The following GPC5 variants were observed in gnomAD, a reference collection of about 807,000 sequenced individuals.
GPC5 encodes the protein glypican 5.
GPC5 carries 47 observed loss-of-function variants against 53.9 expected under a neutral mutation model. That is an observed-to-expected ratio of 0.87 (90% CI 0.69 to 1.11). The LOEUF (loss-of-function observed/expected upper bound fraction) is 1.11. GPC5 is among the 50% of genes most tolerant of loss of function. The pLI is 0.00. For synonymous variants in GPC5, 286 were observed against 263.3 expected (o/e 1.09, Z -0.84); for missense variants, 748 against 713.1 (o/e 1.05, Z -0.56).
chr13:91,506,789 T>C (rs1333723513), intron 2 of GPC5, among the ~76,000 whole-genome samples: 1 of 152,198 alleles, frequency 6.6e-6, no homozygotes, highest in Non-Finnish European at 1.5e-5. Context: ...TGGATGACTT[T>C]GATTTATAAT....
chr13:91,617,214 A>G (rs2033720377), intron 2 of GPC5, among the ~76,000 whole-genome samples: 1 of 152,186 alleles, frequency 6.6e-6, no homozygotes, highest in Admixed American at 6.5e-5. Flanking sequence ...GCGTAAACAT[A>G]TATGTTGAAA....
intron 7 of GPC5, among the ~76,000 whole-genome samples, chr13:92,547,560 C>A (rs1882161951): frequency 6.6e-6 from 1 of 152,100 alleles, no homozygotes; most frequent in Admixed American, 6.5e-5. Flanking sequence ...TCTTCTTATA[C>A]ATTGTGTACC....
chr13:92,759,533 C>CA (rs1375941073), intron 7 of GPC5, among the ~76,000 whole-genome samples: 1 of 151,960 alleles, frequency 6.6e-6, no homozygotes, highest in East Asian at 1.9e-4. Flanking sequence ...TTTGTCTATA[C>CA]AAATGCCATA....
Position 92,408,653 on chromosome 13 carries a change from C to CACACACAT in GPC5, c.1561+263665_1561+263666insCACACATA, listed in dbSNP as rs1555333402. Among the ~76,000 whole-genome samples, 823 of 147,110 alleles carry CACACACAT rather than the reference C, an allele frequency of 5.6e-3. 7 individuals are homozygous for CACACACAT. The highest frequency in any genetic ancestry group is 0.019 in the African/African-American group (755 of 40,150). On this transcript the variant is annotated intron_variant, in intron 7 of 7. Coordinates refer to ENST00000377067, the MANE Select transcript of GPC5 (RefSeq NM_004466.6). Reference sequence around the variant, plus strand: ...AGACACACACACACACACACACACACATATAATACATATATGTATATGTAT... The same window carrying CACACACAT: ...AGACACACACACACACACACACACACACACACATATATAATACATATATGTATATGTAT...
intron 7 of GPC5, among the ~76,000 whole-genome samples, chr13:92,418,242 G>T (rs1484818761): frequency 6.6e-6 from 1 of 152,136 alleles, no homozygotes; most frequent in Non-Finnish European, 1.5e-5. Flanking sequence ...GATGGTGGTG[G>T]TGCTTGCACA....
Position 92,229,886 on chromosome 13 carries a change from T to C in GPC5, c.1561+84897T>C, listed in dbSNP as rs1015062166. 9.2e-5 allele frequency among the ~76,000 whole-genome samples: 14 copies of C among 152,072 alleles called. 1 individual carries two copies. Among genetic ancestry groups the C allele is most frequent in the Admixed American group, 7.9e-4 (12 of 15,254 alleles). ...GTGCCACTTGACACTTTTTAAAAAA[T>C]AGTCTCTCTTACTCTTTTTCCCCTA... On this transcript the variant is annotated intron_variant, in intron 7 of 7. Coordinates refer to ENST00000377067, the MANE Select transcript of GPC5 (RefSeq NM_004466.6).
intron 2 of GPC5, among the ~76,000 whole-genome samples, chr13:91,550,047 A>G (rs2030533768): frequency 6.6e-6 from 1 of 152,172 alleles, no homozygotes; most frequent in Non-Finnish European, 1.5e-5. Flanking sequence ...TAGATAATGG[A>G]ATATTATTCA....
At chr13:92,333,329 C>G (rs565049498) in intron 7 of GPC5, among the ~76,000 whole-genome samples, 1 of 152,130 alleles carries the variant, frequency 6.6e-6, no homozygotes, top group Non-Finnish European at 1.5e-5. Flanking sequence ...AAGGTTTGCA[C>G]TCAGAAGAAA....
chr13:91,823,854 A>G (rs767362131), intron 5 of GPC5, among the ~76,000 whole-genome samples: 4 of 152,194 alleles, frequency 2.6e-5, no homozygotes, highest in South Asian at 2.1e-4. Context: ...CAATATGTCT[A>G]TAACTAATGT....
chr13:92,739,745 C>G (rs775974551), intron 7 of GPC5, among the ~76,000 whole-genome samples: 15 of 150,234 alleles, frequency 1.0e-4, no homozygotes, highest in East Asian at 2.0e-4. Flanking sequence ...GAGAGAGAGA[C>G]AATGAGAGAG....
intron 6 of GPC5, among the ~76,000 whole-genome samples, chr13:91,981,501 G>T (rs1226115315): frequency 6.6e-6 from 1 of 152,194 alleles, no homozygotes. Flanking sequence ...GTGTTAGCCA[G>T]GATGGTCTCG....
At chr13:92,385,506 A>ATATATG (rs1482818987) in intron 7 of GPC5, among the ~76,000 whole-genome samples, 1 of 133,134 alleles carries the variant, frequency 7.5e-6, no homozygotes, top group Non-Finnish European at 1.6e-5. Flanking sequence ...ACATACATAT[A>ATATATG]CATATATACA....
intron 2 of GPC5, among the ~76,000 whole-genome samples, chr13:91,560,853 T>C (rs1175082329): frequency 6.6e-6 from 1 of 152,112 alleles, no homozygotes; most frequent in Non-Finnish European, 1.5e-5. Context: ...GAGTTCTGAC[T>C]CTTGCCCAAT....
chr13:92,472,690 G>T (rs1193485631), intron 7 of GPC5, among the ~76,000 whole-genome samples: 2 of 152,048 alleles, frequency 1.3e-5, no homozygotes, highest in African/African-American at 4.8e-5. Context: ...CAAAAATGTG[G>T]AATGCACTAT....
At chr13:92,381,887 T>TG (rs1486520409) in intron 7 of GPC5, among the ~76,000 whole-genome samples, 2 of 91,146 alleles carry the variant, frequency 2.2e-5, no homozygotes, top group African/African-American at 8.1e-5. Context: ...TGATTATATA[T>TG]ATTATATATA....
intron 7 of GPC5, among the ~76,000 whole-genome samples, chr13:92,471,958 A>G (rs1448872182): frequency 1.3e-5 from 2 of 152,146 alleles, no homozygotes; most frequent in South Asian, 2.1e-4. Context: ...TTGACAGCAC[A>G]TCTATTTAAT....
intron 5 of GPC5, among the ~76,000 whole-genome samples, chr13:91,868,383 C>T (rs973991566): frequency 6.6e-6 from 1 of 152,062 alleles, no homozygotes; most frequent in Non-Finnish European, 1.5e-5. Context: ...GAAACCTAAT[C>T]AGGGGAACTG....
intron 6 of GPC5, among the ~76,000 whole-genome samples, chr13:91,974,352 T>C (rs914615077): frequency 1.3e-5 from 2 of 152,134 alleles, no homozygotes; most frequent in African/African-American, 4.8e-5. Context: ...GATGACATGA[T>C]TGTATATCTA....
At chr13:91,677,798 A>C (rs2035417585) in intron 2 of GPC5, among the ~76,000 whole-genome samples, 1 of 152,150 alleles carries the variant, frequency 6.6e-6, no homozygotes, top group Non-Finnish European at 1.5e-5. Flanking sequence ...CTTTGGAAGG[A>C]CCTTTGTTTT....
Sources: allele counts gnomAD v4.1 joint callset (sites outside exome capture counted in the v4.1 genomes callset), GRCh38; gene constraint gnomAD v4.1.1; transcripts MANE v1.5; gene names NCBI Gene and HGNC (gene_info 2026-07-23, HGNC 2026-07-21).